GSKIP: variants seen among roughly 807,000 people sequenced by gnomAD.
The protein encoded by GSKIP is GSK3B interacting protein, also known as GSK3B-interacting protein.
In GSKIP, 5 loss-of-function variants were observed where a neutral mutation model predicts 11.9. That is an observed-to-expected ratio of 0.42 (90% CI 0.22 to 0.89). The LOEUF (loss-of-function observed/expected upper bound fraction) is 0.89, where lower values mean the gene tolerates loss of function less well. GSKIP is among the 40% of genes least tolerant of loss of function. The pLI is 0.29. For synonymous variants in GSKIP, 70 were observed against 62.9 expected, an observed-to-expected ratio of 1.11 and a Z score of -0.54; for missense variants, 150 against 166.6, an observed-to-expected ratio of 0.90 and a Z score of 0.55.
At chr14:96,371,442 CTTTT>C (rs570686090) in intron 1 of GSKIP, among the ~76,000 whole-genome samples, 6 of 112,782 alleles carry the variant, frequency 5.3e-5, no homozygotes, top group Non-Finnish European at 5.3e-5. Flanking sequence ...TATCAACAAT[CTTTT>C]TTTTTTTTTT....
At chr14:96,370,606 G>A (rs926403803) in intron 1 of GSKIP, among the ~76,000 whole-genome samples, 1 of 152,050 alleles carries the variant, frequency 6.6e-6, no homozygotes, top group East Asian at 1.9e-4. Flanking sequence ...TGACAGAACT[G>A]GTTGTTGAAA....
intron 3 of GSKIP, 21 bp downstream of exon 3, chr14:96,382,526 G>GAA: frequency 1.3e-6 from 2 of 1,532,482 alleles, no homozygotes; most frequent in Non-Finnish European, 8.9e-7. Context: ...TTTCCTTTTA[G>GAA]AAAAAAAAAT....
At chr14:96,375,417 AATTT>A (rs1351064619) in intron 1 of GSKIP, among the ~76,000 whole-genome samples, 1 of 148,536 alleles carries the variant, frequency 6.7e-6, no homozygotes, top group East Asian at 1.9e-4. Context: ...AAAGAAAAGA[AATTT>A]ATTTCTTTTT....
In GSKIP at chr14:96,385,752, C is replaced by T. The variant is rs1318075522; in HGVS notation, c.*68C>T. ...GTTGATATAAAGCTTAAAATTCTTG[C>T]ATATGGTCATAGAAAATGCATCTTT... is the stretch of plus-strand genomic sequence containing the variant. On this transcript the variant is annotated 3_prime_UTR_variant, in exon 4 of 4. Transcript: ENST00000555181. 3 of 1,250,250 alleles carry T rather than the reference C, an allele frequency of 2.4e-6. No homozygotes were observed. The highest frequency in any genetic ancestry group is 1.5e-5 in the South Asian group (1 of 67,558). The allele number at this position is 1,250,250 out of a possible 1,614,324, so 77.4% of individuals were successfully genotyped here.
At chr14:96,365,172 C>T (rs913921494) in intron 1 of GSKIP, 1 of 151,762 alleles carries the variant, frequency 6.6e-6, no homozygotes. Context: ...GAATAATATG[C>T]TTTGTGGTGA....
At chr14:96,384,312 C>G (rs1287729712) in intron 3 of GSKIP, among the ~76,000 whole-genome samples, 1 of 151,942 alleles carries the variant, frequency 6.6e-6, no homozygotes, top group Non-Finnish European at 1.5e-5. Context: ...AACTGTACTC[C>G]ACTGTAGAGA....
At position 96,386,913 on chromosome 14, in the gene GSKIP, G is replaced by C. The variant is rs999500604; in HGVS notation, c.*1229G>C. ...AATGTTGAACTAAAATTTTGCATCT[G>C]GTCATACCTTCATGCATTTATCATT... On this transcript the variant is annotated 3_prime_UTR_variant, in exon 4 of 4. Coordinates refer to ENST00000555181, the MANE Select transcript of GSKIP (RefSeq NM_016472.5). 1.3e-5 allele frequency: 2 copies of C among 152,370 alleles called. No individual in the cohort carries two copies. Among genetic ancestry groups the C allele is most frequent in the Non-Finnish European group, 2.9e-5 (2 of 68,012 alleles). The allele number at this position is 152,370 out of a possible 1,614,324, so 9.4% of individuals were successfully genotyped here.
In GSKIP at chr14:96,380,474, G is replaced by A. The variant is rs539330597; in HGVS notation, c.-2+686G>A. 4.6e-5 allele frequency among the ~76,000 whole-genome samples: 7 copies of A among 152,232 alleles called. No individual in the cohort carries two copies. In the East Asian group the frequency reaches 5.8e-4, roughly 13 times the overall value. On this transcript the variant is annotated intron_variant, in intron 2 of 3. Coordinates refer to ENST00000555181, the MANE Select transcript of GSKIP (RefSeq NM_016472.5). Reference sequence around the variant, plus strand: ...TCAGGAGCTCTGAAAAAAATAACTCGTCTTCCAGAGATTTTGATTTTGTTT... The same window carrying A: ...TCAGGAGCTCTGAAAAAAATAACTCATCTTCCAGAGATTTTGATTTTGTTT...
intron 3 of GSKIP, among the ~76,000 whole-genome samples, chr14:96,383,696 A>C (rs1002446604): frequency 6.6e-6 from 1 of 152,200 alleles, no homozygotes; most frequent in Non-Finnish European, 1.5e-5. Context: ...TGATGGAGCA[A>C]ATTGCAAGGC....
intron 1 of GSKIP, among the ~76,000 whole-genome samples, chr14:96,374,654 A>T (rs1400700465): frequency 6.6e-6 from 1 of 152,334 alleles, no homozygotes; most frequent in East Asian, 1.9e-4. Context: ...GGTGTATGCT[A>T]CTGCATCCAA....
intron 1 of GSKIP, among the ~76,000 whole-genome samples, chr14:96,370,918 G>A (rs1006898742): frequency 1.3e-5 from 2 of 152,146 alleles, no homozygotes; most frequent in Non-Finnish European, 2.9e-5. Flanking sequence ...ATATAAATAT[G>A]TCTGTGTTAT....
At chr14:96,370,199 A>G (rs1484898866) in intron 1 of GSKIP, among the ~76,000 whole-genome samples, 1 of 152,226 alleles carries the variant, frequency 6.6e-6, no homozygotes, top group Non-Finnish European at 1.5e-5. Flanking sequence ...GTATCTTGGA[A>G]GTAAATAACT....
At chr14:96,372,205 G>A (rs1178173049) in intron 1 of GSKIP, among the ~76,000 whole-genome samples, 5 of 152,120 alleles carry the variant, frequency 3.3e-5, no homozygotes, top group African/African-American at 7.2e-5. Flanking sequence ...TCACAGAGCC[G>A]AGTATCACAC....
intron 1 of GSKIP, among the ~76,000 whole-genome samples, chr14:96,376,302 C>G (rs1889201675): frequency 6.6e-6 from 1 of 151,908 alleles, no homozygotes; most frequent in Non-Finnish European, 1.5e-5. Flanking sequence ...TTTAGCCCGA[C>G]TAGTTCCTGC....
At chr14:96,373,394 G>C (rs964884724) in intron 1 of GSKIP, among the ~76,000 whole-genome samples, 12 of 152,036 alleles carry the variant, frequency 7.9e-5, no homozygotes, top group Admixed American at 6.6e-5. Context: ...TGTTGTGCCA[G>C]TTTACACTCC....
intron 1 of GSKIP, among the ~76,000 whole-genome samples, chr14:96,371,172 TTAA>T (rs1229973917): frequency 2.0e-5 from 3 of 152,206 alleles, no homozygotes; most frequent in Non-Finnish European, 4.4e-5. Flanking sequence ...CTGATAATAA[TTAA>T]TAAACTTTAT....
At chr14:96,371,925 T>G (rs2139932216) in intron 1 of GSKIP, among the ~76,000 whole-genome samples, 1 of 152,278 alleles carries the variant, frequency 6.6e-6, no homozygotes, top group African/African-American at 2.4e-5. Context: ...TCTTGTTGAA[T>G]TAAGTCCTTG....
chr14:96,382,562 A>G lies in GSKIP; in HGVS notation c.258+57A>G, dbSNP rs4905486. On this transcript the variant is annotated intron_variant, in intron 3 of 3. Coordinates refer to ENST00000555181, the MANE Select transcript of GSKIP (RefSeq NM_016472.5). The stretch of plus-strand genomic sequence containing the variant: ...TATTTATGTCTTTACCACTTTATCA[A>G]AAAGAGGGGTAGTGGGGAGGGGAAG... 265,477 of 1,341,172 alleles carry G rather than the reference A, an allele frequency of 0.2. 27,150 individuals are homozygous for G. The highest frequency in any genetic ancestry group is 0.23 in the Middle Eastern group (1,243 of 5,292). The allele number at this position is 1,341,172 out of a possible 1,614,324, so 83.1% of individuals were successfully genotyped here. A position where few individuals can be genotyped will look rare whatever the true frequency, so the allele number is the denominator to read the frequency against.
intron 1 of GSKIP, among the ~76,000 whole-genome samples, chr14:96,372,792 GGCA>G (rs972448821): frequency 2.6e-5 from 4 of 152,218 alleles, no homozygotes; most frequent in Non-Finnish European, 5.9e-5. Flanking sequence ...AGAAGGCCAA[GGCA>G]GCTAGGACAG....
Sources: allele counts gnomAD v4.1 joint callset (sites outside exome capture counted in the v4.1 genomes callset), GRCh38; gene constraint gnomAD v4.1.1; transcripts MANE v1.5; gene names NCBI Gene and HGNC (gene_info 2026-07-23, HGNC 2026-07-21).